MTUS2: variants seen among roughly 807,000 people sequenced by gnomAD.
MTUS2 encodes the protein microtubule-associated tumor suppressor candidate 2.
A neutral mutation model predicts 114.1 loss-of-function variants in MTUS2; 40 were observed. The observed-to-expected ratio is 0.35, with a 90% CI of 0.27 to 0.46. The LOEUF (loss-of-function observed/expected upper bound fraction) is 0.46, where lower values mean the gene tolerates loss of function less well. MTUS2 is among the 20% of genes least tolerant of loss of function. The pLI is 1.00. For missense variants in MTUS2, 1,679 were observed against 1,705.4 expected (o/e 0.98, Z 0.27); for synonymous variants, 688 against 672.0 (o/e 1.02, Z -0.37).
intron 5 of MTUS2, among the ~76,000 whole-genome samples, chr13:29,243,686 TATAAG>T (rs1457534438): frequency 1.3e-5 from 2 of 152,104 alleles, no homozygotes; most frequent in Non-Finnish European, 2.9e-5. Flanking sequence ...AAAATATTAA[TATAAG>T]AGAGTAAGGA....
chr13:28,932,649 A>G (rs1368955623), intron 2 of MTUS2, among the ~76,000 whole-genome samples: 1 of 152,196 alleles, frequency 6.6e-6, no homozygotes, highest in African/African-American at 2.4e-5. Context: ...GGAGCCCTGC[A>G]GGTGAGTGCA....
At position 29,029,884 on chromosome 13, in the gene MTUS2, G is replaced by T. The variant is rs1232907641; in HGVS notation, c.2205+2981G>T. Reference sequence around the variant, plus strand: ...GCACCAAGCCATTCATGAGGCATCTGCCCCCATGGCCCACACACCTCCCAC... The same window carrying T: ...GCACCAAGCCATTCATGAGGCATCTTCCCCCATGGCCCACACACCTCCCAC... On this transcript the variant is annotated intron_variant, in intron 3 of 15. Coordinates refer to ENST00000612955, the MANE Select transcript of MTUS2 (RefSeq NM_001033602.4). 2.0e-5 allele frequency among the ~76,000 whole-genome samples: 3 copies of T among 152,280 alleles called. No individual in the cohort carries two copies. The South Asian group carries it at 6.2e-4, about 32-fold the overall frequency.
At chr13:28,859,561 T>C (rs1236286139) in intron 2 of MTUS2, among the ~76,000 whole-genome samples, 2 of 152,230 alleles carry the variant, frequency 1.3e-5, no homozygotes, top group African/African-American at 4.8e-5. Flanking sequence ...GCTACAGTAA[T>C]GAAGGCTCTC....
intron 2 of MTUS2, among the ~76,000 whole-genome samples, chr13:28,978,435 C>T (rs1309200317): frequency 6.6e-6 from 1 of 152,166 alleles, no homozygotes; most frequent in Non-Finnish European, 1.5e-5. Context: ...GCATAAACAA[C>T]ATCATTTGCA....
chr13:29,173,851 A>G (rs910743705), intron 5 of MTUS2, among the ~76,000 whole-genome samples: 1 of 152,160 alleles, frequency 6.6e-6, no homozygotes, highest in Non-Finnish European at 1.5e-5. Context: ...TTTGATATGA[A>G]TTAACCTTCT....
chr13:29,484,191 C>T (rs1881419684), intron 10 of MTUS2: 1 of 152,258 alleles, frequency 6.6e-6, no homozygotes, highest in African/African-American at 2.4e-5. Context: ...GATACACCTT[C>T]TATGCTTTCG....
intron 2 of MTUS2, among the ~76,000 whole-genome samples, chr13:28,968,044 T>C (rs1257404907): frequency 6.6e-6 from 1 of 152,228 alleles, no homozygotes; most frequent in Non-Finnish European, 1.5e-5. Flanking sequence ...CATTCAGAGA[T>C]ATACCTGCTA....
intron 2 of MTUS2, among the ~76,000 whole-genome samples, chr13:28,944,806 C>T (rs1482356916): frequency 6.6e-6 from 1 of 152,184 alleles, no homozygotes; most frequent in East Asian, 1.9e-4. Flanking sequence ...GTGATAGGTA[C>T]ATCCTTTTTC....
chr13:29,467,567 T>A (rs1237053467), intron 9 of MTUS2, among the ~76,000 whole-genome samples: 1 of 152,070 alleles, frequency 6.6e-6, no homozygotes, highest in Admixed American at 6.6e-5. Flanking sequence ...CAAAACCATT[T>A]CCTATTAAAG....
intron 5 of MTUS2, among the ~76,000 whole-genome samples, chr13:29,238,824 A>G (rs1369486648): frequency 1.3e-5 from 2 of 152,202 alleles, no homozygotes; most frequent in African/African-American, 4.8e-5. Context: ...AACCTGGATT[A>G]CATTATGCTA....
chr13:29,084,576 C>T (rs1366504810), intron 4 of MTUS2, among the ~76,000 whole-genome samples: 4 of 134,482 alleles, frequency 3.0e-5, no homozygotes, highest in South Asian at 2.7e-4. Flanking sequence ...CTTGCTCTGT[C>T]GCCCAGGCTG....
intron 2 of MTUS2, among the ~76,000 whole-genome samples, chr13:28,976,753 G>T (rs1282516507): frequency 6.6e-6 from 1 of 152,190 alleles, no homozygotes; most frequent in African/African-American, 2.4e-5. Flanking sequence ...GTATACTAGG[G>T]TGCATGATCA....
At chr13:29,168,665 A>G (rs1488754538) in intron 5 of MTUS2, among the ~76,000 whole-genome samples, 3 of 152,198 alleles carry the variant, frequency 2.0e-5, no homozygotes, top group South Asian at 2.1e-4. Flanking sequence ...TAGGCGTTCA[A>G]ATGTGACACT....
intron 1 of MTUS2, among the ~76,000 whole-genome samples, chr13:28,830,022 G>T (rs1199049132): frequency 6.6e-6 from 1 of 151,948 alleles, no homozygotes; most frequent in South Asian, 2.1e-4. Flanking sequence ...CCCCCAACAC[G>T]CGTAATCCCT....
In MTUS2 at chr13:29,480,455, T is replaced by A; in HGVS notation, c.3399+91T>A. On this transcript the variant is annotated intron_variant, in intron 10 of 15. Transcript: ENST00000612955. The surrounding 1 kb of genome is among the most constrained non-coding windows in gnomAD (Gnocchi z 4.4). Reference sequence around the variant, plus strand: ...GTGCCACATTAGCAAGAAGTCCTATTCAGTAGGTGAGCTTTCTGAACAGTT... The same window carrying A: ...GTGCCACATTAGCAAGAAGTCCTATACAGTAGGTGAGCTTTCTGAACAGTT... 1 of 1,324,918 alleles carries A rather than the reference T, an allele frequency of 7.5e-7. No homozygotes were observed. The allele number at this position is 1,324,918 out of a possible 1,614,324, so 82.1% of individuals were successfully genotyped here.
At chr13:29,168,424 T>G (rs1215343451) in intron 5 of MTUS2, among the ~76,000 whole-genome samples, 1 of 152,170 alleles carries the variant, frequency 6.6e-6, no homozygotes, top group East Asian at 1.9e-4. Flanking sequence ...AACCTAGCAG[T>G]CAGTGTTCTT....
intron 4 of MTUS2, among the ~76,000 whole-genome samples, chr13:29,090,921 T>C (rs1472055660): frequency 6.6e-6 from 1 of 152,186 alleles, no homozygotes; most frequent in Non-Finnish European, 1.5e-5. Flanking sequence ...TGAATTCAAA[T>C]ATATCTGTGG....
chr13:29,159,676 G>A (rs1478965910), intron 5 of MTUS2, among the ~76,000 whole-genome samples: 3 of 151,804 alleles, frequency 2.0e-5, no homozygotes, highest in Non-Finnish European at 4.4e-5. Context: ...TTAGAACGTA[G>A]ATAAGAGATA....
rs79298381 is a variant in MTUS2, at chr13:29,401,478, C to T, written c.3118-38505C>T. ...TCTTAGATATTTGCCTCTGATACAG[C>T]AAAAGTTTTCGTTTTTCTGTTTACA... On this transcript the variant is annotated intron_variant, in intron 8 of 15. Coordinates refer to ENST00000612955, the MANE Select transcript of MTUS2 (RefSeq NM_001033602.4). Among the ~76,000 whole-genome samples the T allele has an allele frequency of 7.7e-3, 1,165 of 152,264 alleles. 12 individuals are homozygous for T. The highest frequency in any genetic ancestry group is 0.024 in the South Asian group (117 of 4,818).
Sources: allele counts gnomAD v4.1 joint callset (sites outside exome capture counted in the v4.1 genomes callset), GRCh38; gene constraint gnomAD v4.1.1; non-coding constraint Gnocchi (gnomAD v3.1); transcripts MANE v1.5; gene names NCBI Gene and HGNC (gene_info 2026-07-23, HGNC 2026-07-21).